Variants in PPP1R12B observed in about 807,000 individuals in gnomAD.
PPP1R12B encodes protein phosphatase 1 regulatory subunit 12B.
Under a neutral mutation model 126.1 loss-of-function variants are expected in PPP1R12B, and 76 were observed. That is an observed-to-expected ratio of 0.60 (90% CI 0.50 to 0.73). PPP1R12B has a LOEUF of 0.73. Among genes scored for constraint, PPP1R12B ranks in the 30% least tolerant of loss-of-function variants. The probability of loss-of-function intolerance (pLI) is 0.00; values close to 1 mark genes in which losing one functional copy is unlikely to be tolerated. For synonymous variants in PPP1R12B, 356 were observed against 434.7 expected, an observed-to-expected ratio of 0.82 and a Z score of 2.25; for missense variants, 1,052 against 1,205.1, an observed-to-expected ratio of 0.87 and a Z score of 1.88.
chr1:202,542,446 TC>T lies in PPP1R12B; in HGVS notation c.2491-16430del, dbSNP rs1305422278. On this transcript the variant is annotated intron_variant, in intron 18 of 23. Transcript: ENST00000608999. The stretch of plus-strand genomic sequence containing the variant: ...TGATTAAAGCACCAAGCTCTCTGAC[TC>T]TAAAACCCCATATTCCCAGCAACAT... Among the ~76,000 whole-genome samples the T allele has an allele frequency of 3.9e-5, 6 of 152,328 alleles. No homozygotes were observed. In the East Asian group the frequency reaches 1.2e-3, roughly 29 times the overall value.
chr1:202,387,594 AT>A (rs1010027033), intron 1 of PPP1R12B, among the ~76,000 whole-genome samples: 54 of 148,434 alleles, frequency 3.6e-4, no homozygotes, highest in African/African-American at 7.9e-4. Flanking sequence ...ATGGTACAAG[AT>A]TTTTTTTTTT....
chr1:202,471,575 GT>G (rs71142533), intron 13 of PPP1R12B, among the ~76,000 whole-genome samples: 60,279 of 113,560 alleles, frequency 0.53, 14,127 homozygotes, highest in East Asian at 0.7. Context: ...GACTTAAAAT[GT>G]TTTTTTTTTT....
intron 18 of PPP1R12B, among the ~76,000 whole-genome samples, chr1:202,504,090 A>G (rs190685119): frequency 5.9e-5 from 9 of 152,088 alleles, no homozygotes; most frequent in African/African-American, 1.7e-4. Flanking sequence ...TGTCACTTCA[A>G]TTTCAGTTAA....
At chr1:202,468,362 A>C (rs1675342199) in intron 13 of PPP1R12B, among the ~76,000 whole-genome samples, 1 of 152,088 alleles carries the variant, frequency 6.6e-6, no homozygotes, top group African/African-American at 2.4e-5. Flanking sequence ...TTTTAGGTCT[A>C]ACATTTAAGT....
chr1:202,543,354 T>C (rs1263534419), intron 18 of PPP1R12B, among the ~76,000 whole-genome samples: 2 of 152,156 alleles, frequency 1.3e-5, no homozygotes, highest in African/African-American at 4.8e-5. Flanking sequence ...GCCAAGAAGA[T>C]TTTTGTTTAC....
intron 2 of PPP1R12B, among the ~76,000 whole-genome samples, chr1:202,418,744 T>C (rs758771587): frequency 6.6e-6 from 1 of 152,178 alleles, no homozygotes; most frequent in Non-Finnish European, 1.5e-5. Flanking sequence ...TACATATCAT[T>C]ATTAGACAGG....
chr1:202,481,236 G>A (rs371532388), intron 13 of PPP1R12B, among the ~76,000 whole-genome samples: 12 of 152,162 alleles, frequency 7.9e-5, no homozygotes, highest in Admixed American at 3.9e-4. Context: ...TCTGCAGCCC[G>A]GGGGTTGGGG....
intron 1 of PPP1R12B, chr1:202,369,864 T>G (rs2148443692): frequency 6.4e-6 from 1 of 156,140 alleles, no homozygotes; most frequent in South Asian, 1.9e-4. Flanking sequence ...GGCACGATCT[T>G]GGCTCACTGC....
At chr1:202,567,949 C>A in intron 22 of PPP1R12B, 118 bp downstream of exon 22, 1 of 1,183,556 alleles carries the variant, frequency 8.4e-7, no homozygotes, top group South Asian at 1.4e-5. Context: ...AGTTCTGCCA[C>A]ATTCCATTCC....
At chr1:202,529,977 T>C (rs1683756825) in intron 18 of PPP1R12B, among the ~76,000 whole-genome samples, 2 of 152,220 alleles carry the variant, frequency 1.3e-5, no homozygotes, top group Admixed American at 1.3e-4. Flanking sequence ...CTCTTAACTG[T>C]ACTAAATATT....
At chr1:202,364,636 GCA>G (rs1658831099) in intron 1 of PPP1R12B, among the ~76,000 whole-genome samples, 1 of 151,912 alleles carries the variant, frequency 6.6e-6, no homozygotes, top group African/African-American at 2.4e-5. Flanking sequence ...GAGTGCAGTG[GCA>G]TGATCTCGGC....
intron 8 of PPP1R12B, 59 bp downstream of exon 8, chr1:202,431,678 C>G: frequency 6.7e-7 from 1 of 1,493,070 alleles, no homozygotes; most frequent in Non-Finnish European, 9.0e-7. Flanking sequence ...GAAGATTACT[C>G]CTTGTCAGAG....
rs577169890 is a variant in PPP1R12B at position 202,590,374 on chromosome 1, A to T, written c.*9814A>T. The T allele has an allele frequency of 7.1e-6, 1 of 141,548 alleles. No homozygotes were observed. The highest frequency in any genetic ancestry group is 7.6e-5 in the Admixed American group (1 of 13,162). 8.8% of individuals were successfully genotyped at this position (141,548 alleles called of 1,614,324 possible). On this transcript the variant is annotated 3_prime_UTR_variant, in exon 24 of 24. Coordinates refer to ENST00000608999, the MANE Select transcript of PPP1R12B (RefSeq NM_002481.4). ...TGTTCTCAGGAGATGTGTGGGCCCC[A>T]GCACCCACCAGAGTGCCAATCTGGT...
intron 5 of PPP1R12B, among the ~76,000 whole-genome samples, chr1:202,427,807 G>T (rs1669735922): frequency 6.6e-6 from 1 of 151,900 alleles, no homozygotes; most frequent in Non-Finnish European, 1.5e-5. Context: ...GCCACGCCTG[G>T]CTAATTTTTT....
chr1:202,463,158 C>T (rs908083901), intron 13 of PPP1R12B: 2 of 815,504 alleles, frequency 2.5e-6, no homozygotes, highest in Non-Finnish European at 3.0e-6. Context: ...GGGAAACTGG[C>T]TTGGTTGCAT....
intron 1 of PPP1R12B, among the ~76,000 whole-genome samples, chr1:202,385,157 G>A (rs1662926265): frequency 6.6e-6 from 1 of 152,154 alleles, no homozygotes; most frequent in Non-Finnish European, 1.5e-5. Flanking sequence ...CTTCATATAA[G>A]GTTTATGAAA....
chr1:202,365,274 C>T (rs2148424814), intron 1 of PPP1R12B, among the ~76,000 whole-genome samples: 1 of 151,698 alleles, frequency 6.6e-6, no homozygotes. Flanking sequence ...TTTTTAGAGA[C>T]AGGGAAATCC....
intron 18 of PPP1R12B, among the ~76,000 whole-genome samples, chr1:202,545,262 A>G (rs1685532419): frequency 1.3e-5 from 2 of 152,226 alleles, no homozygotes; most frequent in South Asian, 2.1e-4. Context: ...GTTCAGCCCA[A>G]GGAATCTTCC....
At chr1:202,438,724 T>G in intron 10 of PPP1R12B, 2 of 660,136 alleles carry the variant, frequency 3.0e-6, no homozygotes, top group Non-Finnish European at 5.5e-6. Context: ...TTACCGTGCA[T>G]TTTGCAGACG....
Sources: gnomAD v4.1 joint callset for allele counts (sites outside exome capture counted in the v4.1 genomes callset) on GRCh38, gnomAD v4.1.1 for gene constraint, MANE v1.5 for transcripts, NCBI Gene and HGNC (gene_info 2026-07-23, HGNC 2026-07-21) for gene names.